The following WDR43 variants were observed in gnomAD, a reference collection of about 807,000 sequenced individuals.
The protein encoded by WDR43 is WD repeat-containing protein 43.
In WDR43, 13 loss-of-function variants were observed where a neutral mutation model predicts 91.4. The ratio of observed to expected loss-of-function variants is 0.14; its 90% confidence interval spans 0.09 to 0.23. WDR43 has a LOEUF of 0.23. Among genes scored for constraint, WDR43 ranks in the 10% least tolerant of loss-of-function variants. The pLI, the probability that WDR43 is intolerant of heterozygous loss-of-function variation, is 1.00. For missense variants in WDR43, 780 were observed against 809.4 expected (o/e 0.96, Z 0.44); for synonymous variants, 331 against 287.9 (o/e 1.15, Z -1.51).
chr2:28,941,030 G>A (rs552198032), intron 14 of WDR43, among the ~76,000 whole-genome samples: 17 of 152,298 alleles, frequency 1.1e-4, no homozygotes, highest in Admixed American at 6.5e-4. Context: ...AGGCTTCTCT[G>A]CCTCTTTGGG....
Position 28,929,560 on chromosome 2 carries a change from A to C in WDR43, c.1306-19A>C. 6.4e-7 allele frequency: 1 copy of C among 1,566,758 alleles called. No individual in the cohort carries two copies. The highest frequency in any genetic ancestry group is 1.4e-5 in the African/African-American group (1 of 73,304). ...AAGTCTTGTCTGGTAACACATTAAC[A>C]ATCCTTTCTGTTCTGTAGGTTAGCA... On this transcript the variant is annotated intron_variant, in intron 10 of 17. Transcript: ENST00000407426.
At chr2:28,923,356 T>C (rs1283267087) in intron 7 of WDR43, among the ~76,000 whole-genome samples, 2 of 152,194 alleles carry the variant, frequency 1.3e-5, no homozygotes, top group African/African-American at 2.4e-5. Context: ...GGGAGTATTG[T>C]TGTCAGGTTG....
intron 6 of WDR43, among the ~76,000 whole-genome samples, chr2:28,919,757 G>A (rs1670985818): frequency 6.6e-6 from 1 of 152,202 alleles, no homozygotes; most frequent in African/African-American, 2.4e-5. Flanking sequence ...TGTGATCAGT[G>A]CCCTCACTAT....
chr2:28,942,262 T>C (rs1213154126), intron 15 of WDR43, 50 bp from the exon 16 acceptor site: 2 of 1,580,712 alleles, frequency 1.3e-6, no homozygotes, highest in African/African-American at 1.3e-5. Flanking sequence ...GTCGTGATAC[T>C]TGGGATATGT....
intron 5 of WDR43, among the ~76,000 whole-genome samples, chr2:28,916,630 C>G (rs1215850698): frequency 1.3e-5 from 2 of 152,088 alleles, no homozygotes; most frequent in Middle Eastern, 6.3e-3. Flanking sequence ...TACACACACC[C>G]ACACATCCCT....
chr2:28,941,718 T>A, intron 15 of WDR43, 144 bp downstream of exon 15: 1 of 617,286 alleles, frequency 1.6e-6, no homozygotes, highest in Non-Finnish European at 2.8e-6. Flanking sequence ...GCAGCCTCGC[T>A]CAAGTGCCTC....
intron 14 of WDR43, among the ~76,000 whole-genome samples, chr2:28,939,109 C>T (rs4277478): frequency 0.048 from 785 of 16,422 alleles, 7 homozygotes; most frequent in Non-Finnish European, 0.075. Flanking sequence ...GGGAGGTGAC[C>T]TGGGAGCACT....
intron 2 of WDR43, among the ~76,000 whole-genome samples, chr2:28,905,395 T>C (rs1401668494): frequency 1.3e-5 from 2 of 152,212 alleles, no homozygotes; most frequent in Non-Finnish European, 2.9e-5. Context: ...CATCTTGCTA[T>C]GCTGTAAATG....
Position 28,922,901 on chromosome 2 carries a change from G to A in WDR43, c.850-18G>A, listed in dbSNP as rs1671062050. The A allele has an allele frequency of 1.2e-6, 2 of 1,605,636 alleles. No individual in the cohort carries two copies. The highest frequency in any genetic ancestry group is 2.7e-5 in the African/African-American group (2 of 74,032). On this transcript the variant is annotated intron_variant, in intron 6 of 17. Coordinates refer to ENST00000407426, the MANE Select transcript of WDR43 (RefSeq NM_015131.3). ...GTATGTTATCCATTATAATACGTTG[G>A]TTACATTTTTCTTTTAGCCTGTCAA...
intron 6 of WDR43, among the ~76,000 whole-genome samples, chr2:28,920,229 T>TC (rs1414996572): frequency 7.0e-6 from 1 of 143,700 alleles, no homozygotes; most frequent in Non-Finnish European, 1.5e-5. Context: ...TCTTTCTTTT[T>TC]TTTTTTTTTT....
intron 5 of WDR43, among the ~76,000 whole-genome samples, chr2:28,916,846 A>G (rs1039683604): frequency 6.6e-6 from 1 of 151,928 alleles, no homozygotes; most frequent in Non-Finnish European, 1.5e-5. Flanking sequence ...AGCTTGTAAC[A>G]TTTTTGTCAT....
intron 16 of WDR43, among the ~76,000 whole-genome samples, chr2:28,945,509 A>G (rs1328276183): frequency 6.6e-6 from 1 of 152,214 alleles, no homozygotes. Flanking sequence ...ATTTCACAGA[A>G]TGCCCCACCT....
chr2:28,944,856 C>T (rs4398230), intron 16 of WDR43, among the ~76,000 whole-genome samples: 101,597 of 152,200 alleles, frequency 0.67, 34,625 homozygotes, highest in East Asian at 0.85. Context: ...TTTACCTCTC[C>T]GGCCAGGCGG....
rs1367407475 is a variant in WDR43, at chr2:28,946,515, C to G, written c.1854+16C>G. The G allele has an allele frequency of 6.2e-7, 1 of 1,607,666 alleles. No individual in the cohort carries two copies. The highest frequency in any genetic ancestry group is 1.3e-5 in the African/African-American group (1 of 74,912). ...GGATTCTGAAGTGAGTGATTTGTTC[C>G]CTGTATATACATCGGCCTTTATATC... On this transcript the variant is annotated intron_variant, in intron 17 of 17. Coordinates refer to ENST00000407426, the MANE Select transcript of WDR43 (RefSeq NM_015131.3).
chr2:28,914,309 T>G, intron 5 of WDR43, 101 bp downstream of exon 5: 1 of 1,334,906 alleles, frequency 7.5e-7, no homozygotes. Flanking sequence ...TTGTTGTATC[T>G]AATGTTGGAT....
intron 6 of WDR43, among the ~76,000 whole-genome samples, chr2:28,920,415 A>T (rs1388293341): frequency 6.6e-6 from 1 of 151,278 alleles, no homozygotes; most frequent in Non-Finnish European, 1.5e-5. Flanking sequence ...TCTAGTAGAG[A>T]TGGGGTTTTG....
At chr2:28,895,047 G>A (rs907044925) in intron 1 of WDR43, 124 bp downstream of exon 1, 4 of 1,000,376 alleles carry the variant, frequency 4.0e-6, no homozygotes, top group East Asian at 3.4e-5. Context: ...AAGGCTTGGA[G>A]GCGGCGTCGG....
intron 7 of WDR43, 140 bp from the exon 8 acceptor site, chr2:28,924,842 G>A (rs1383530432): frequency 1.6e-5 from 14 of 899,308 alleles, no homozygotes; most frequent in African/African-American, 8.4e-5. Flanking sequence ...GAGTACTCAT[G>A]CTCCGGAGAC....
intron 3 of WDR43, among the ~76,000 whole-genome samples, chr2:28,910,693 A>ATATATATATATG (rs1365695478): frequency 1.3e-5 from 2 of 148,386 alleles, no homozygotes; most frequent in African/African-American, 2.5e-5. Flanking sequence ...ATATATATAT[A>ATATATATATATG]TAATTATTAT....
Sources: allele counts gnomAD v4.1 joint callset (sites outside exome capture counted in the v4.1 genomes callset), GRCh38; gene constraint gnomAD v4.1.1; transcripts MANE v1.5; gene names NCBI Gene and HGNC (gene_info 2026-07-23, HGNC 2026-07-21).